DOCK1: variants seen among roughly 807,000 people sequenced by gnomAD.
The protein encoded by DOCK1 is dedicator of cytokinesis protein 1.
DOCK1 carries 138 observed loss-of-function variants against 262.7 expected under a neutral mutation model. That is an observed-to-expected ratio of 0.53 (90% CI 0.46 to 0.61). DOCK1 has a LOEUF of 0.61. Ranked by LOEUF, DOCK1 falls within the 20% of genes least tolerant of loss-of-function variation. The pLI is 0.00. For missense variants in DOCK1, 1,908 were observed against 2,370.7 expected (o/e 0.80, Z 4.05); for synonymous variants, 866 against 867.4 (o/e 1.00, Z 0.03).
At chr10:127,074,089 C>T in intron 23 of DOCK1, among the ~76,000 whole-genome samples, 1 of 152,120 alleles carries the variant, frequency 6.6e-6, no homozygotes, top group East Asian at 1.9e-4. Context: ...CATATGTGAG[C>T]TTAAAAAATC....
chr10:127,236,262 A>G (rs1167596843), intron 27 of DOCK1, among the ~76,000 whole-genome samples: 1 of 152,074 alleles, frequency 6.6e-6, no homozygotes, highest in Non-Finnish European at 1.5e-5. Context: ...ATTTAAATCT[A>G]TGATACATTT....
intron 10 of DOCK1, among the ~76,000 whole-genome samples, chr10:127,008,051 G>T (rs80323913): frequency 0.17 from 25,961 of 151,902 alleles, 2,475 homozygotes; most frequent in Non-Finnish European, 0.21. Flanking sequence ...TTAAATGAAT[G>T]AAATAAAAGT....
At chr10:127,256,968 T>G (rs1038382423) in intron 28 of DOCK1, among the ~76,000 whole-genome samples, 1 of 152,196 alleles carries the variant, frequency 6.6e-6, no homozygotes, top group Non-Finnish European at 1.5e-5. Context: ...AAAAATTGAT[T>G]TAGAGCAAAC....
At chr10:126,938,328 A>G (rs943917581) in intron 1 of DOCK1, among the ~76,000 whole-genome samples, 1 of 152,202 alleles carries the variant, frequency 6.6e-6, no homozygotes, top group Non-Finnish European at 1.5e-5. Flanking sequence ...GATTACAGGC[A>G]AGAGCCACTG....
At chr10:126,911,723 C>T (rs556646084) in intron 1 of DOCK1, among the ~76,000 whole-genome samples, 38 of 152,250 alleles carry the variant, frequency 2.5e-4, no homozygotes, top group African/African-American at 8.2e-4. Flanking sequence ...CTGGATGGTA[C>T]TGTGGGCTTT....
At chr10:126,915,799 C>T (rs1025734981) in intron 1 of DOCK1, among the ~76,000 whole-genome samples, 1 of 152,158 alleles carries the variant, frequency 6.6e-6, no homozygotes, top group Non-Finnish European at 1.5e-5. Flanking sequence ...CCTGTTCCCA[C>T]CATCCAAAAA....
At chr10:127,016,492 G>A (rs12412943) in intron 12 of DOCK1, 61,478 of 152,124 alleles carry the variant, frequency 0.4, 12,682 homozygotes, top group African/African-American at 0.48. Context: ...CACCGCTGTC[G>A]GTTACCTCCC....
intron 21 of DOCK1, 36 bp from the exon 22 acceptor site, chr10:127,052,645 C>T (rs768846946): frequency 6.2e-7 from 1 of 1,613,324 alleles, no homozygotes; most frequent in Non-Finnish European, 8.5e-7. Flanking sequence ...ATTTTCCTTT[C>T]CTGAGCTTAT....
intron 25 of DOCK1, among the ~76,000 whole-genome samples, chr10:127,110,789 A>G (rs2048818969): frequency 1.3e-5 from 2 of 152,354 alleles, no homozygotes; most frequent in African/African-American, 4.8e-5. Flanking sequence ...ACTCAAAGTA[A>G]TAAGAATTTC....
intron 27 of DOCK1, among the ~76,000 whole-genome samples, chr10:127,229,994 T>G (rs1376283607): frequency 6.6e-6 from 1 of 152,234 alleles, no homozygotes; most frequent in Non-Finnish European, 1.5e-5. Flanking sequence ...TGTTGAGCAT[T>G]TTTTCATACA....
chr10:127,217,573 A>G lies in DOCK1; in HGVS notation c.2848-30435A>G, dbSNP rs529934064. Among the ~76,000 whole-genome samples the G allele has an allele frequency of 1.8e-4, 27 of 152,350 alleles. 1 individual carries two copies. The South Asian group carries it at 5.0e-3, about 28-fold the overall frequency. On this transcript the variant is annotated intron_variant, in intron 27 of 51. Coordinates refer to ENST00000623213, the MANE Select transcript of DOCK1 (RefSeq NM_001290223.2). Reference sequence around the variant, plus strand: ...ACTTAACAGTTTCTTATCTGTTTGCAGAACCACATGGAAGTAATGATAAAG... The same window carrying G: ...ACTTAACAGTTTCTTATCTGTTTGCGGAACCACATGGAAGTAATGATAAAG...
At chr10:126,910,539 A>T (rs1185218368) in intron 1 of DOCK1, among the ~76,000 whole-genome samples, 5 of 152,170 alleles carry the variant, frequency 3.3e-5, no homozygotes, top group Non-Finnish European at 1.5e-5. Flanking sequence ...ATTGCATTAA[A>T]CTTTGTATTT....
At chr10:126,916,432 A>G (rs2032501734) in intron 1 of DOCK1, among the ~76,000 whole-genome samples, 1 of 152,148 alleles carries the variant, frequency 6.6e-6, no homozygotes, top group African/African-American at 2.4e-5. Context: ...CTAGTAGACA[A>G]GTTTTCTAGT....
rs368905884 is a variant in DOCK1, at chr10:127,425,889, G to A, written c.4792G>A (p.Glu1598Lys). 83 of 1,613,872 alleles carry A rather than the reference G, an allele frequency of 5.1e-5. No homozygotes were observed. The highest frequency in any genetic ancestry group is 3.6e-5 in the Non-Finnish European group (42 of 1,179,898). Residue 1598 changes from glutamate to lysine, a missense_variant, in exon 47 of 52, where the codon GAA (glutamate) becomes AAA (lysine). Physicochemically the swap from Glu to Lys is moderately conservative, Grantham distance 56. Transcript: ENST00000623213. ...TGTTTTCCAGATTCCTTTTCTGGCC[G>A]AAGGGATCAGAATCCATGGAGACAA... ...LIAWQIPFLA[E>K]GIRIHGDKVT...
At chr10:127,106,346 A>G (rs750439118) in intron 24 of DOCK1, 45 bp downstream of exon 24, 1 of 1,558,142 alleles carries the variant, frequency 6.4e-7, no homozygotes, top group Non-Finnish European at 8.7e-7. Flanking sequence ...GCCGTGTGTG[A>G]CCTCCTTCTC....
chr10:127,103,894 T>G (rs2048389302), intron 23 of DOCK1, among the ~76,000 whole-genome samples: 1 of 152,240 alleles, frequency 6.6e-6, no homozygotes. Context: ...GTTGCTGAAC[T>G]ATTTTTGCAT....
At chr10:127,207,895 AG>A (rs530175293) in intron 27 of DOCK1, among the ~76,000 whole-genome samples, 4 of 152,346 alleles carry the variant, frequency 2.6e-5, no homozygotes, top group African/African-American at 9.6e-5. Context: ...GTTGTTGGAC[AG>A]AATTTTGATA....
Position 127,154,354 on chromosome 10 carries a change from C to T in DOCK1, c.2847+26590C>T, listed in dbSNP as rs374094094. Among the ~76,000 whole-genome samples the T allele has an allele frequency of 4.1e-4, 62 of 152,304 alleles. 1 individual carries two copies. The South Asian group carries it at 0.012, about 30-fold the overall frequency. ...AAAGTGCGGCCTGCAGGCCAAATCC[C>T]GCCGGGGCCTGGTTTTGTCCAGCAA... On this transcript the variant is annotated intron_variant, in intron 27 of 51. Transcript: ENST00000623213.
chr10:127,218,943 G>A (rs182035079), intron 27 of DOCK1, among the ~76,000 whole-genome samples: 108 of 152,234 alleles, frequency 7.1e-4, no homozygotes, highest in South Asian at 1.7e-3. Context: ...TCCCCTCCTG[G>A]TGGGATGGAA....
Sources: allele counts gnomAD v4.1 joint callset (sites outside exome capture counted in the v4.1 genomes callset), GRCh38; gene constraint gnomAD v4.1.1; transcripts MANE v1.5; gene names NCBI Gene and HGNC (gene_info 2026-07-23, HGNC 2026-07-21).